The following FAAH2 variants were observed in gnomAD, a reference collection of about 807,000 sequenced individuals.
FAAH2 encodes fatty-acid amide hydrolase 2.
In FAAH2, 60 loss-of-function variants were observed where a neutral mutation model predicts 36.9. The observed-to-expected ratio is 1.63, with a 90% CI of 1.32 to 2.02. The LOEUF (loss-of-function observed/expected upper bound fraction) is 2.02. Among genes scored for constraint, FAAH2 ranks in the 30% most tolerant of loss-of-function variants. The pLI, the probability that FAAH2 is intolerant of heterozygous loss-of-function variation, is 0.00. For synonymous variants in FAAH2, 214 were observed against 143.8 expected, an observed-to-expected ratio of 1.49 and a Z score of -3.49; for missense variants, 689 against 397.5, an observed-to-expected ratio of 1.73 and a Z score of -6.23.
At chrX:57,400,393 A>G (rs2055402746) in intron 7 of FAAH2, among the ~76,000 whole-genome samples, 1 of 112,129 alleles carries the variant, frequency 8.9e-6, no homozygotes, top group Non-Finnish European at 1.9e-5. Context: ...GGCCCCTCGG[A>G]CCTGTGTAAG....
chrX:57,136,826 G>A, the FAAH2 span: 4 of 413,824 alleles, frequency 9.7e-6, no homozygotes, highest in East Asian at 1.7e-4. Context: ...CTGGGGTTAG[G>A]AACTCTGCAG....
chrX:57,223,781 G>A, the FAAH2 span, among the ~76,000 whole-genome samples: 1 of 111,913 alleles, frequency 8.9e-6, no homozygotes, highest in East Asian at 2.8e-4. Context: ...CTCTCTTCAT[G>A]CATATAATTC....
intron 8 of FAAH2, among the ~76,000 whole-genome samples, chrX:57,442,077 T>C (rs2056570781): frequency 8.9e-6 from 1 of 111,809 alleles, no homozygotes; most frequent in Non-Finnish European, 1.9e-5. Context: ...GAGAATAATG[T>C]ATATTCTGTT....
the FAAH2 span, among the ~76,000 whole-genome samples, chrX:57,165,725 AG>A: frequency 9.0e-6 from 1 of 111,210 alleles, no homozygotes; most frequent in Non-Finnish European, 1.9e-5. Context: ...AAGAAAAAAA[AG>A]AAATTCATAT....
At chrX:57,357,376 C>A (rs2054184535) in intron 5 of FAAH2, among the ~76,000 whole-genome samples, 1 of 111,665 alleles carries the variant, frequency 9.0e-6, no homozygotes, top group African/African-American at 3.2e-5. Flanking sequence ...GCAAAAGAAA[C>A]TATCATCAGA....
the FAAH2 span, among the ~76,000 whole-genome samples, chrX:57,191,638 T>A: frequency 1.8e-5 from 2 of 112,157 alleles, no homozygotes; most frequent in African/African-American, 6.5e-5. Context: ...TTGAAGTCTT[T>A]AGTTCCTTTT....
At chrX:57,184,363 G>A in the FAAH2 span, among the ~76,000 whole-genome samples, 1 of 111,694 alleles carries the variant, frequency 9.0e-6, no homozygotes, top group African/African-American at 3.3e-5. Flanking sequence ...AAACTTGCTG[G>A]TTTGAGGCTC....
intron 10 of FAAH2, among the ~76,000 whole-genome samples, chrX:57,455,474 A>G (rs773279640): frequency 1.8e-5 from 2 of 110,918 alleles, no homozygotes; most frequent in South Asian, 7.7e-4. Context: ...TAAAGGGTCT[A>G]AAAGTACCAC....
At chrX:57,151,613 G>A in the FAAH2 span, among the ~76,000 whole-genome samples, 37 of 111,387 alleles carry the variant, frequency 3.3e-4, no homozygotes, top group African/African-American at 7.5e-4. Flanking sequence ...AGCTCCATCC[G>A]CTCCTTGAAG....
intron 7 of FAAH2, among the ~76,000 whole-genome samples, chrX:57,409,934 C>T (rs1012945125): frequency 2.7e-5 from 3 of 109,809 alleles, no homozygotes; most frequent in Non-Finnish European, 5.7e-5. Context: ...CTTATTTTGG[C>T]CTCTTTTCTA....
intron 5 of FAAH2, among the ~76,000 whole-genome samples, chrX:57,354,076 C>A (rs752857598): frequency 7.2e-5 from 8 of 110,788 alleles, no homozygotes; most frequent in Non-Finnish European, 1.5e-4. Context: ...TTTCATCTAG[C>A]AATCTCTCTA....
At chrX:57,438,147 GTA>G (rs1430973772) in intron 8 of FAAH2, among the ~76,000 whole-genome samples, 5 of 103,330 alleles carry the variant, frequency 4.8e-5, no homozygotes, top group East Asian at 6.1e-4. Flanking sequence ...ATATATTTGT[GTA>G]TATATATATA....
chrX:57,218,939 C>A, the FAAH2 span, among the ~76,000 whole-genome samples: 816 of 111,593 alleles, frequency 7.3e-3, 8 homozygotes, highest in African/African-American at 0.025. Flanking sequence ...GTAAGATTGT[C>A]CCCATGGCCT....
At chrX:57,461,698 G>A (rs983931271) in intron 10 of FAAH2, among the ~76,000 whole-genome samples, 1 of 110,548 alleles carries the variant, frequency 9.0e-6, no homozygotes, top group African/African-American at 3.3e-5. Context: ...ATCAGAAAGG[G>A]AGAAAGATCT....
chrX:57,195,594 C>A, the FAAH2 span, among the ~76,000 whole-genome samples: 1 of 111,571 alleles, frequency 9.0e-6, no homozygotes, highest in Non-Finnish European at 1.9e-5. Context: ...TGCTGTGAGG[C>A]TTTTTAGTTT....
intron 5 of FAAH2, among the ~76,000 whole-genome samples, chrX:57,363,007 G>A (rs1414933693): frequency 4.5e-5 from 5 of 111,726 alleles, no homozygotes; most frequent in Non-Finnish European, 9.4e-5. Context: ...GTTGAATAAT[G>A]TGATGCCTCC....
At chrX:57,282,564 T>C (rs1053092686), upstream of FAAH2, among the ~76,000 whole-genome samples, 9 of 112,289 alleles carry the variant, frequency 8.0e-5, no homozygotes, top group African/African-American at 2.9e-4. Flanking sequence ...CCTTCAACTG[T>C]AGTGTAATAT....
intron 7 of FAAH2, among the ~76,000 whole-genome samples, chrX:57,422,878 A>G (rs2056071555): frequency 8.9e-6 from 1 of 112,575 alleles, no homozygotes; most frequent in Non-Finnish European, 1.9e-5. Flanking sequence ...GGAACATGAG[A>G]GCTGGACATA....
chrX:57,347,033 A>C (rs891778428), intron 5 of FAAH2, among the ~76,000 whole-genome samples: 6 of 111,134 alleles, frequency 5.4e-5, no homozygotes, highest in African/African-American at 2.0e-4. Flanking sequence ...TCTGATGGCT[A>C]TGTTCCTTGT....
Sources: gnomAD v4.1 joint callset for allele counts (sites outside exome capture counted in the v4.1 genomes callset) on GRCh38, gnomAD v4.1.1 for gene constraint, MANE v1.5 for transcripts, NCBI Gene and HGNC (gene_info 2026-07-23, HGNC 2026-07-21) for gene names.